Variants in TIPIN observed in about 807,000 individuals in gnomAD.
TIPIN encodes TIMELESS interacting protein, also known as TIMELESS-interacting protein.
TIPIN carries 29 observed loss-of-function variants against 35.6 expected under a neutral mutation model. The ratio of observed to expected loss-of-function variants is 0.82; its 90% CI spans 0.61 to 1.11. The LOEUF (loss-of-function observed/expected upper bound fraction) is 1.11, where lower values mean the gene tolerates loss of function less well. Among genes scored for constraint, TIPIN ranks in the 50% most tolerant of loss-of-function variants. The pLI is 0.00. For synonymous variants in TIPIN, 102 were observed against 121.5 expected (o/e 0.84, Z 1.06); for missense variants, 296 against 345.4 (o/e 0.86, Z 1.13).
chr15:66,336,617 G>C lies in TIPIN; in HGVS notation c.*341C>G, dbSNP rs369296285. On this transcript the variant is annotated 3_prime_UTR_variant, in exon 8 of 8. Transcript: ENST00000261881. ...AGACTACTCTGGGCACACTGTCCAT[G>C]GATTAGCCCTGCTTTGCAAGGAGCA... is the stretch of plus-strand genomic sequence containing the variant. The C allele has an allele frequency of 3.8e-6, 1 of 260,770 alleles. No individual in the cohort carries two copies. The highest frequency in any genetic ancestry group is 2.2e-5 in the African/African-American group (1 of 45,458). 16.2% of individuals were successfully genotyped at this position (260,770 alleles called of 1,614,324 possible). A position where few individuals can be genotyped will look rare whatever the true frequency, so the allele number is the denominator to read the frequency against.
At chr15:66,362,259 C>T (rs1455601490) in intron 1 of TIPIN, among the ~76,000 whole-genome samples, 4 of 148,554 alleles carry the variant, frequency 2.7e-5, no homozygotes, top group South Asian at 2.2e-4. Context: ...GCCGAGATTG[C>T]GTCACTGCAT....
chr15:66,340,600 A>G (rs1247382392), intron 7 of TIPIN, among the ~76,000 whole-genome samples: 3 of 151,966 alleles, frequency 2.0e-5, no homozygotes, highest in Non-Finnish European at 4.4e-5. Context: ...TGATTAAAAT[A>G]AATTCTTTTT....
upstream of TIPIN, among the ~76,000 whole-genome samples, chr15:66,358,859 C>T (rs968738920): frequency 1.3e-5 from 2 of 152,086 alleles, no homozygotes; most frequent in Non-Finnish European, 2.9e-5. Context: ...GCCTGGCCAA[C>T]ATGGTGAAAC....
intron 1 of TIPIN, among the ~76,000 whole-genome samples, chr15:66,372,023 G>C (rs376893939): frequency 4.6e-5 from 7 of 151,880 alleles, no homozygotes; most frequent in African/African-American, 1.7e-4. Flanking sequence ...TTGAACTCCC[G>C]AGCTCAAGCG....
chr15:66,344,431 T>TA (rs150163709), intron 6 of TIPIN, among the ~76,000 whole-genome samples: 10,019 of 144,526 alleles, frequency 0.069, 741 homozygotes, highest in African/African-American at 0.2. Flanking sequence ...CAAAAAAAAG[T>TA]AAAAAAAAAA....
At chr15:66,350,933 C>T (rs1186015125) in intron 4 of TIPIN, among the ~76,000 whole-genome samples, 3 of 126,954 alleles carry the variant, frequency 2.4e-5, no homozygotes, top group African/African-American at 8.5e-5. Context: ...AGCAAGACTC[C>T]GTCTTAAAAA....
exon 1 of TIPIN, chr15:66,386,634 G>C (rs1410472968): frequency 5.8e-6 from 1 of 172,846 alleles, no homozygotes; most frequent in Non-Finnish European, 1.3e-5. Flanking sequence ...CGCGGCACCT[G>C]GCCTGGAGAG....
chr15:66,374,191 C>T (rs1978698), intron 1 of TIPIN, among the ~76,000 whole-genome samples: 28,907 of 151,842 alleles, frequency 0.19, 3,499 homozygotes, highest in Non-Finnish European at 0.26. Context: ...CTATCTTAGC[C>T]TCCAGAGTAG....
chr15:66,349,417 T>C lies in TIPIN; in HGVS notation c.309A>G (p.Leu103=), dbSNP rs145236878. ...GTGCCCAGTGCTCCATGTGTCTGAT[T>C]AGCATCTTCAAGTCTTCAGCCTGCC... ...KGHEAEDLKM[L]IRHMEHWAHR... Residue 103 remains leucine, a synonymous_variant, in exon 5 of 8, where the codon CTA becomes CTG. Transcript: ENST00000261881. 1.2e-6 allele frequency: 2 copies of C among 1,613,048 alleles called. No individual in the cohort carries two copies. Among genetic ancestry groups the C allele is most frequent in the East Asian group, 2.2e-5 (1 of 44,862 alleles).
At chr15:66,384,831 G>C (rs566350272) in intron 1 of TIPIN, among the ~76,000 whole-genome samples, 58 of 152,202 alleles carry the variant, frequency 3.8e-4, no homozygotes, top group Admixed American at 9.2e-4. Flanking sequence ...AGAATCACTT[G>C]AGCTTGGGAG....
chr15:66,356,746 G>C (rs2093206842), upstream of TIPIN: 2 of 985,222 alleles, frequency 2.0e-6, no homozygotes, highest in Non-Finnish European at 2.4e-6. Context: ...AGCGTTTGGC[G>C]CCAAATCCGT....
chr15:66,356,727 A>C (rs2093206714), upstream of TIPIN: 2 of 985,078 alleles, frequency 2.0e-6, no homozygotes, highest in Admixed American at 6.2e-5. Context: ...TGGGGCGAGA[A>C]GGGCCCGCAG....
intron 1 of TIPIN, among the ~76,000 whole-genome samples, chr15:66,354,892 G>A (rs2093193000): frequency 6.6e-6 from 1 of 152,024 alleles, no homozygotes; most frequent in Non-Finnish European, 1.5e-5. Flanking sequence ...TTCAATATCA[G>A]GTTTTATTTA....
At chr15:66,347,091 G>A (rs540816820) in intron 6 of TIPIN, 14 of 314,536 alleles carry the variant, frequency 4.5e-5, no homozygotes, top group South Asian at 1.5e-4. Flanking sequence ...CACCGCGCCC[G>A]GCCTAAATCA....
At chr15:66,344,289 G>C (rs906221542) in intron 6 of TIPIN, among the ~76,000 whole-genome samples, 3 of 151,928 alleles carry the variant, frequency 2.0e-5, no homozygotes, top group Non-Finnish European at 4.4e-5. Flanking sequence ...TGAACTCAAA[G>C]AACTAATTTT....
Position 66,337,139 on chromosome 15 carries a change from AC to A in TIPIN, c.724del (p.Val242LeufsTer14). ...CTCCTTTTGATCCTCATCAGTATTA[AC>A]CTCTTCAACCGTGTGTGCCCTGGGT... is the stretch of plus-strand genomic sequence containing the variant. The part of the protein sequence containing the change: ...NTPRAHTVEE[V>X]NTDEDQKEES... On this transcript the variant is annotated frameshift_variant, in exon 8 of 8. Coordinates refer to ENST00000261881, the MANE Select transcript of TIPIN (RefSeq NM_017858.3). LOFTEE classifies it high-confidence loss of function. 4 of 1,613,906 alleles carry A rather than the reference AC, an allele frequency of 2.5e-6. No homozygotes were observed. Among genetic ancestry groups the A allele is most frequent in the Non-Finnish European group, 3.4e-6 (4 of 1,179,986 alleles).
At chr15:66,352,982 T>C in intron 1 of TIPIN, 27 bp from the exon 2 acceptor site, 1 of 1,601,518 alleles carries the variant, frequency 6.2e-7, no homozygotes, top group South Asian at 1.1e-5. Context: ...AAGTTATTTG[T>C]ATTCATCCAA....
At chr15:66,365,055 G>C (rs1288790308) in intron 1 of TIPIN, among the ~76,000 whole-genome samples, 1 of 151,838 alleles carries the variant, frequency 6.6e-6, no homozygotes, top group Non-Finnish European at 1.5e-5. Context: ...TCTTGAATAA[G>C]AGCTGAAGTA....
At chr15:66,373,192 G>A (rs555576278) in intron 1 of TIPIN, among the ~76,000 whole-genome samples, 12 of 151,994 alleles carry the variant, frequency 7.9e-5, no homozygotes, top group Admixed American at 5.2e-4. Context: ...ACTGTATATC[G>A]AAATAAAATA....
Sources: allele counts gnomAD v4.1 joint callset (sites outside exome capture counted in the v4.1 genomes callset), GRCh38; gene constraint gnomAD v4.1.1; transcripts MANE v1.5; gene names NCBI Gene and HGNC (gene_info 2026-07-23, HGNC 2026-07-21).